Variants in ADAM29 observed in about 807,000 individuals in gnomAD.
The protein encoded by ADAM29 is disintegrin and metalloproteinase domain-containing protein 29.
For synonymous variants in ADAM29, 367 were observed against 342.3 expected (o/e 1.07, Z -0.80); for missense variants, 969 against 1,001.8 (o/e 0.97, Z 0.44).
chr4:174,919,658 G>A (rs1743060110), intron 1 of ADAM29, among the ~76,000 whole-genome samples: 2 of 152,274 alleles, frequency 1.3e-5, no homozygotes, highest in South Asian at 4.1e-4. Context: ...TTTCAATACA[G>A]CTGTTTCTCT....
intron 1 of ADAM29, among the ~76,000 whole-genome samples, chr4:174,920,415 T>C (rs569660039): frequency 1.2e-4 from 18 of 152,350 alleles, no homozygotes; most frequent in African/African-American, 4.1e-4. Flanking sequence ...CTTTAAATAC[T>C]ATTAATCTTC....
intron 4 of ADAM29, among the ~76,000 whole-genome samples, chr4:174,963,578 C>T (rs1745979339): frequency 6.6e-6 from 1 of 152,140 alleles, no homozygotes; most frequent in South Asian, 2.1e-4. Context: ...CTGTACTTTC[C>T]TCACTACTTT....
intron 2 of ADAM29, among the ~76,000 whole-genome samples, chr4:174,921,907 G>A (rs1282294687): frequency 1.3e-5 from 2 of 152,140 alleles, no homozygotes; most frequent in Non-Finnish European, 2.9e-5. Context: ...AGTTCAAAAT[G>A]TGGAATGATA....
intron 4 of ADAM29, among the ~76,000 whole-genome samples, chr4:174,940,081 G>C (rs1456881113): frequency 1.3e-5 from 2 of 151,956 alleles, no homozygotes; most frequent in Admixed American, 1.3e-4. Flanking sequence ...TATATAGTTA[G>C]GGGTATATTT....
intron 4 of ADAM29, among the ~76,000 whole-genome samples, chr4:174,963,771 C>T (rs572020934): frequency 1.3e-5 from 2 of 152,264 alleles, no homozygotes; most frequent in East Asian, 3.9e-4. Context: ...CAACCTCTGC[C>T]TCCTGGGTTC....
intron 2 of ADAM29, chr4:174,923,959 T>A (rs1743340045): frequency 6.6e-6 from 1 of 152,384 alleles, no homozygotes; most frequent in South Asian, 2.1e-4. Context: ...AGGCCACTTC[T>A]TCTCAGCTTC....
intron 2 of ADAM29, among the ~76,000 whole-genome samples, chr4:174,930,262 C>T (rs1445278158): frequency 3.3e-5 from 5 of 152,122 alleles, no homozygotes; most frequent in African/African-American, 1.2e-4. Flanking sequence ...GAAACTCTAT[C>T]CCCACTCATG....
chr4:174,945,988 C>T (rs990197088), intron 4 of ADAM29, among the ~76,000 whole-genome samples: 1 of 152,040 alleles, frequency 6.6e-6, no homozygotes. Context: ...TTTTTGATTC[C>T]ATATGAATTT....
chr4:174,975,294 A>G (rs1003802360), intron 4 of ADAM29, 52 bp from the exon 5 acceptor site: 31 of 384,084 alleles, frequency 8.1e-5, no homozygotes, highest in African/African-American at 6.2e-4. Flanking sequence ...ATTCTCTTAT[A>G]AGAAGAATTT....
intron 2 of ADAM29, among the ~76,000 whole-genome samples, chr4:174,923,190 G>T (rs1388840437): frequency 6.6e-6 from 1 of 151,902 alleles, no homozygotes; most frequent in Non-Finnish European, 1.5e-5. Flanking sequence ...CCTTGTAACT[G>T]GGATTACAGG....
At chr4:174,922,883 C>T (rs929009203) in intron 2 of ADAM29, among the ~76,000 whole-genome samples, 1 of 151,482 alleles carries the variant, frequency 6.6e-6, no homozygotes, top group Non-Finnish European at 1.5e-5. Flanking sequence ...TATAATTCAC[C>T]GTGAATAGCA....
intron 4 of ADAM29, among the ~76,000 whole-genome samples, chr4:174,968,646 C>A (rs28725499): frequency 0.092 from 13,976 of 152,104 alleles, 2,091 homozygotes; most frequent in African/African-American, 0.32. Context: ...TTCTGACTAT[C>A]CAGTGAATAG....
In ADAM29 at chr4:174,976,309, G is replaced by A. The variant is rs1250135074; in HGVS notation, c.784G>A (p.Val262Ile). Residue 262 changes from valine to isoleucine, a missense_variant, in exon 5 of 5, where the codon GTA becomes ATA. By Grantham distance (29) the Val-to-Ile change is conservative. Coordinates refer to ENST00000359240, the MANE Select transcript of ADAM29 (RefSeq NM_014269.4). The stretch of plus-strand genomic sequence containing the variant: ...TAAAAACCTCATTGTAGTAGATGAT[G>A]TAAGGAAATCTGTGCACCTGTATTG... ...TNKNLIVVDD[V>I]RKSVHLYCKW... 13 of 1,612,704 alleles carry A rather than the reference G, an allele frequency of 8.1e-6. No homozygotes were observed. The highest frequency in any genetic ancestry group is 9.3e-6 in the Non-Finnish European group (11 of 1,179,594).
intron 4 of ADAM29, among the ~76,000 whole-genome samples, chr4:174,972,858 A>T (rs1746546892): frequency 6.6e-6 from 1 of 152,118 alleles, no homozygotes; most frequent in Non-Finnish European, 1.5e-5. Context: ...GAAAGCTGAG[A>T]GCTGGAATTT....
At chr4:174,969,553 G>A (rs1030226933) in intron 4 of ADAM29, among the ~76,000 whole-genome samples, 1 of 151,710 alleles carries the variant, frequency 6.6e-6, no homozygotes, top group Non-Finnish European at 1.5e-5. Context: ...ATATTTGTGT[G>A]TACTTCACAG....
At chr4:174,953,861 C>A (rs1745335036) in intron 4 of ADAM29, among the ~76,000 whole-genome samples, 1 of 152,088 alleles carries the variant, frequency 6.6e-6, no homozygotes, top group African/African-American at 2.4e-5. Flanking sequence ...AGGCATGCAC[C>A]ACCATGCCCA....
intron 4 of ADAM29, among the ~76,000 whole-genome samples, chr4:174,968,572 C>A (rs989727805): frequency 1.6e-4 from 24 of 152,174 alleles, no homozygotes; most frequent in African/African-American, 5.3e-4. Context: ...GGTTTCTTCT[C>A]TGGGTGGCAA....
rs760086310 is a variant in ADAM29 at position 174,977,591 on chromosome 4, TTTTATTA to T, written c.2068_2074del (p.Leu690ValfsTer13). 1 of 1,613,512 alleles carries T rather than the reference TTTTATTA, an allele frequency of 6.2e-7. No individual in the cohort carries two copies. Among genetic ancestry groups the T allele is most frequent in the East Asian group, 2.2e-5 (1 of 44,878 alleles). ...ATATTGTTGCTTATTGTTTTGTTTA[TTTTATTA>T]TGTTGTCTTTATCGACTTTGTAAAA... On this transcript the variant is annotated frameshift_variant, in exon 5 of 5. Transcript: ENST00000359240. LOFTEE classifies it low-confidence loss of function (END_TRUNC).
intron 4 of ADAM29, among the ~76,000 whole-genome samples, chr4:174,973,777 T>C (rs550809446): frequency 6.6e-6 from 1 of 152,356 alleles, no homozygotes; most frequent in South Asian, 2.1e-4. Flanking sequence ...AGGCCCTTTC[T>C]AGGCCATTCA....
Sources: allele counts gnomAD v4.1 joint callset (sites outside exome capture counted in the v4.1 genomes callset), GRCh38; gene constraint gnomAD v4.1.1; transcripts MANE v1.5; gene names NCBI Gene and HGNC (gene_info 2026-07-23, HGNC 2026-07-21).